Variants in SUPT3H observed in about 807,000 individuals in gnomAD.
SUPT3H encodes the protein transcription initiation protein SPT3 homolog.
SUPT3H carries 44 observed loss-of-function variants against 44.3 expected under a neutral mutation model. That is an observed-to-expected ratio of 0.99 (90% CI 0.78 to 1.28). The LOEUF is 1.28. Among genes scored for constraint, SUPT3H ranks in the 50% most tolerant of loss-of-function variants. SUPT3H has a pLI of 0.00. For synonymous variants in SUPT3H, 124 were observed against 125.6 expected, an observed-to-expected ratio of 0.99 and a Z score of 0.09; for missense variants, 380 against 387.1, an observed-to-expected ratio of 0.98 and a Z score of 0.15.
intron 2 of SUPT3H, among the ~76,000 whole-genome samples, chr6:45,330,349 C>T (rs750531985): frequency 6.6e-6 from 1 of 151,740 alleles, no homozygotes; most frequent in African/African-American, 2.4e-5. Context: ...GTTACTACTA[C>T]CCAAGAGATA....
At chr6:45,027,475 T>C (rs1230211335) in intron 3 of SUPT3H, among the ~76,000 whole-genome samples, 1 of 152,216 alleles carries the variant, frequency 6.6e-6, no homozygotes, top group Admixed American at 6.5e-5. Flanking sequence ...GGAATCAGTC[T>C]CCATTGACTA....
chr6:45,006,867 G>A (rs1782792753), intron 5 of SUPT3H, among the ~76,000 whole-genome samples: 1 of 152,106 alleles, frequency 6.6e-6, no homozygotes, highest in Non-Finnish European at 1.5e-5. Flanking sequence ...TGTATCATTA[G>A]AGATAAATAC....
chr6:45,120,613 T>C (rs775685546), intron 2 of SUPT3H, among the ~76,000 whole-genome samples: 11 of 151,818 alleles, frequency 7.2e-5, no homozygotes, highest in Non-Finnish European at 1.0e-4. Flanking sequence ...ACTAAAGAAG[T>C]TGAACAACAA....
chr6:45,369,086 A>G (rs1403601662), intron 1 of SUPT3H, among the ~76,000 whole-genome samples: 1 of 152,128 alleles, frequency 6.6e-6, no homozygotes, highest in African/African-American at 2.4e-5. Flanking sequence ...TAATCTCAAT[A>G]TATTAATATA....
chr6:44,844,529 C>G (rs1351915405), intron 10 of SUPT3H, among the ~76,000 whole-genome samples: 1 of 151,836 alleles, frequency 6.6e-6, no homozygotes, highest in Admixed American at 6.5e-5. Flanking sequence ...TGCGGTACAC[C>G]CATAGAAGGG....
At chr6:44,853,722 A>G (rs1372980347) in intron 10 of SUPT3H, among the ~76,000 whole-genome samples, 1 of 151,994 alleles carries the variant, frequency 6.6e-6, no homozygotes, top group African/African-American at 2.4e-5. Context: ...AAACAGGAGT[A>G]GTGGTTTAGG....
At chr6:45,249,970 A>G (rs1412422958) in intron 2 of SUPT3H, among the ~76,000 whole-genome samples, 1 of 152,212 alleles carries the variant, frequency 6.6e-6, no homozygotes, top group Admixed American at 6.5e-5. Flanking sequence ...ACAAAAGACT[A>G]AAAGGTTCCT....
At chr6:45,104,048 T>A (rs150158801) in intron 3 of SUPT3H, among the ~76,000 whole-genome samples, 7 of 152,048 alleles carry the variant, frequency 4.6e-5, no homozygotes, top group African/African-American at 7.2e-5. Context: ...GACTTCATCA[T>A]TAGCACAGCT....
chr6:45,177,944 G>A (rs6911169), intron 2 of SUPT3H, among the ~76,000 whole-genome samples: 17,997 of 151,988 alleles, frequency 0.12, 1,248 homozygotes, highest in African/African-American at 0.19. Context: ...AGGAACAACC[G>A]GTACCAGCTG....
chr6:45,302,835 T>G (rs1054889423), intron 2 of SUPT3H, among the ~76,000 whole-genome samples: 10 of 152,102 alleles, frequency 6.6e-5, no homozygotes, highest in Non-Finnish European at 1.0e-4. Context: ...TTTCACCACA[T>G]CCATGGCACC....
At chr6:44,876,515 A>C (rs1219700838) in intron 10 of SUPT3H, among the ~76,000 whole-genome samples, 1 of 88,032 alleles carries the variant, frequency 1.1e-5, no homozygotes. Context: ...GGGTCGGGGG[A>C]GGGGGGAGGG....
chr6:44,927,617 T>A (rs1054731075), intron 10 of SUPT3H, among the ~76,000 whole-genome samples: 4 of 152,128 alleles, frequency 2.6e-5, no homozygotes, highest in Admixed American at 2.6e-4. Flanking sequence ...ATGCAAAAAA[T>A]CGGGTGGTAA....
chr6:44,994,132 C>G (rs1780962115), intron 6 of SUPT3H, among the ~76,000 whole-genome samples: 1 of 151,930 alleles, frequency 6.6e-6, no homozygotes, highest in Non-Finnish European at 1.5e-5. Context: ...TTCACCTTTA[C>G]TAGATACTTA....
chr6:45,352,217 AC>A (rs1300924211), intron 2 of SUPT3H, among the ~76,000 whole-genome samples: 1 of 152,136 alleles, frequency 6.6e-6, no homozygotes, highest in East Asian at 1.9e-4. Context: ...CTTACAAATA[AC>A]CTTTGATCGT....
chr6:44,971,499 G>C (rs1396980452), intron 6 of SUPT3H, among the ~76,000 whole-genome samples: 9 of 152,094 alleles, frequency 5.9e-5, no homozygotes, highest in Admixed American at 5.9e-4. Flanking sequence ...CCAAGCAAAA[G>C]GAGGAAAAGC....
At chr6:45,340,365 C>G (rs1789506840) in intron 2 of SUPT3H, among the ~76,000 whole-genome samples, 1 of 152,098 alleles carries the variant, frequency 6.6e-6, no homozygotes, top group Non-Finnish European at 1.5e-5. Flanking sequence ...ACTCTGTCAC[C>G]CAGGCTAGAG....
At chr6:44,835,136 G>A (rs1271627561) in intron 10 of SUPT3H, among the ~76,000 whole-genome samples, 1 of 152,004 alleles carries the variant, frequency 6.6e-6, no homozygotes, top group Non-Finnish European at 1.5e-5. Flanking sequence ...GACCTTCAGG[G>A]GGTTGATACA....
intron 10 of SUPT3H, among the ~76,000 whole-genome samples, chr6:44,898,434 A>G (rs1764437215): frequency 6.6e-6 from 1 of 151,944 alleles, no homozygotes; most frequent in Non-Finnish European, 1.5e-5. Flanking sequence ...CCCCCAGCCA[A>G]CTCCTAGCAT....
intron 2 of SUPT3H, among the ~76,000 whole-genome samples, chr6:45,234,543 A>AAG (rs1554296233): frequency 4.0e-5 from 6 of 148,384 alleles, no homozygotes; most frequent in Admixed American, 6.7e-5. Context: ...AAAAAAAAAA[A>AAG]AAAAGAAAAG....
Sources: allele counts gnomAD v4.1 joint callset (sites outside exome capture counted in the v4.1 genomes callset), GRCh38; gene constraint gnomAD v4.1.1; transcripts MANE v1.5; gene names NCBI Gene and HGNC (gene_info 2026-07-23, HGNC 2026-07-21).